The following PER2 variants were observed in gnomAD, a reference collection of about 807,000 sequenced individuals.
PER2 encodes period circadian protein homolog 2.
Under a neutral mutation model 121.0 loss-of-function variants are expected in PER2, and 66 were observed. The observed-to-expected ratio is 0.55, with a 90% confidence interval of 0.45 to 0.67. The LOEUF is 0.67. Among genes scored for constraint, PER2 ranks in the 30% least tolerant of loss-of-function variants. PER2 has a pLI of 0.00. For missense variants in PER2, 1,521 were observed against 1,635.0 expected (o/e 0.93, Z 1.20); for synonymous variants, 684 against 659.9 (o/e 1.04, Z -0.56).
At chr2:238,283,939 G>C (rs965884167) in intron 1 of PER2, among the ~76,000 whole-genome samples, 1 of 152,164 alleles carries the variant, frequency 6.6e-6, no homozygotes, top group Non-Finnish European at 1.5e-5. Context: ...TAAGGGCACA[G>C]GTCCTGGGTG....
At chr2:238,249,322 TTTTC>T (rs1053014546) in intron 21 of PER2, 110 bp from the exon 22 acceptor site, 37 of 1,181,048 alleles carry the variant, frequency 3.1e-5, no homozygotes, top group East Asian at 9.6e-5. Context: ...GCAAATTTCC[TTTTC>T]TTTAAAAAAA....
At chr2:238,254,745 T>C (rs1035868794) in intron 18 of PER2, 2 of 152,288 alleles carry the variant, frequency 1.3e-5, no homozygotes, top group African/African-American at 4.8e-5. Flanking sequence ...CTCATGGCCA[T>C]GGAGTACACC....
chr2:238,260,100 C>T (rs898060904), intron 13 of PER2, 47 bp from the exon 14 acceptor site: 5 of 816,538 alleles, frequency 6.1e-6, no homozygotes, highest in Non-Finnish European at 1.0e-5. Flanking sequence ...AGGAGACCTC[C>T]TTCAGTCTGT....
At chr2:238,283,944 T>C (rs186101106) in intron 1 of PER2, among the ~76,000 whole-genome samples, 1 of 152,310 alleles carries the variant, frequency 6.6e-6, no homozygotes, top group African/African-American at 2.4e-5. Context: ...GCACAGGTCC[T>C]GGGTGGCCTG....
At chr2:238,288,222 C>A (rs983025909) in intron 1 of PER2, 127 bp downstream of exon 1, 1 of 152,320 alleles carries the variant, frequency 6.6e-6, no homozygotes, top group Non-Finnish European at 1.5e-5. Context: ...GCCGGCTGCG[C>A]TGACCCTTGG....
At position 238,253,860 on chromosome 2, in the gene PER2, G is replaced by A. The variant is rs1695685669; in HGVS notation, c.2321-158C>T. Reference sequence around the variant, plus strand: ...CCTCAGTGAAGTGAGAAAAATCAGGGCAAAACATCAGGTTTTTCCATAAAA... The same window carrying A: ...CCTCAGTGAAGTGAGAAAAATCAGGACAAAACATCAGGTTTTTCCATAAAA... On this transcript the variant is annotated intron_variant, in intron 18 of 22. Coordinates refer to ENST00000254657, the MANE Select transcript of PER2 (RefSeq NM_022817.3). This position sits in a 1 kb window ranked among gnomAD's most constrained non-coding sequence, Gnocchi z 5.6. Among the ~76,000 whole-genome samples, 1 of 152,122 alleles carries A rather than the reference G, an allele frequency of 6.6e-6. No individual in the cohort carries two copies. The highest frequency in any genetic ancestry group is 6.5e-5 in the Admixed American group (1 of 15,284).
At chr2:238,255,165 C>T (rs1250280727) in intron 18 of PER2, 2 of 224,628 alleles carry the variant, frequency 8.9e-6, no homozygotes, top group Non-Finnish European at 1.8e-5. Flanking sequence ...ACACCATGAC[C>T]ATGGACTCTG....
Position 238,265,503 on chromosome 2 carries a change from A to T in PER2, c.1046+9T>A. ...AACATGAAAAAGGGGGTGGGTCAAG[A>T]CCACGTACCTTTCATCCACATCCTG... On this transcript the variant is annotated intron_variant, in intron 9 of 22. Transcript: ENST00000254657. 2 of 1,586,764 alleles carry T rather than the reference A, an allele frequency of 1.3e-6. No individual in the cohort carries two copies. Among genetic ancestry groups the T allele is most frequent in the Non-Finnish European group, 1.7e-6 (2 of 1,155,036 alleles).
intron 1 of PER2, among the ~76,000 whole-genome samples, chr2:238,278,271 A>C (rs539962899): frequency 1.3e-5 from 2 of 152,120 alleles, no homozygotes; most frequent in Non-Finnish European, 2.9e-5. Context: ...GGGTTTTGCC[A>C]TGTTGCCCAG....
chr2:238,284,785 C>T (rs1001340303), intron 1 of PER2, among the ~76,000 whole-genome samples: 5 of 152,228 alleles, frequency 3.3e-5, no homozygotes, highest in African/African-American at 1.2e-4. Flanking sequence ...GTAGAGTAAG[C>T]TTGGCAGAAA....
At chr2:238,299,913 G>C in the PER2 span, 1 of 152,276 alleles carries the variant, frequency 6.6e-6, no homozygotes, top group African/African-American at 2.4e-5. Context: ...AGAGGCATAT[G>C]CTCAGCTCTG....
intron 17 of PER2, 128 bp from the exon 18 acceptor site, chr2:238,256,039 A>C: frequency 8.4e-7 from 1 of 1,190,378 alleles, no homozygotes; most frequent in Non-Finnish European, 1.2e-6. Flanking sequence ...TGGCATGAGG[A>C]TGAGACTCAC....
intron 8 of PER2, among the ~76,000 whole-genome samples, chr2:238,266,611 G>A (rs933570312): frequency 2.6e-5 from 4 of 152,178 alleles, no homozygotes; most frequent in African/African-American, 7.2e-5. Context: ...TAATTTGGGG[G>A]AATAACTTGT....
chr2:238,292,936 T>G (rs1327570122), upstream of PER2, among the ~76,000 whole-genome samples: 1 of 151,674 alleles, frequency 6.6e-6, no homozygotes, highest in African/African-American at 2.4e-5. Flanking sequence ...CAGGGTTTCA[T>G]CATGTTGGTC....
Position 238,262,192 on chromosome 2 carries a change from C to A in PER2, c.1306G>T (p.Val436Leu). 6.2e-7 allele frequency: 1 copy of A among 1,613,660 alleles called. No individual in the cohort carries two copies. Among genetic ancestry groups the A allele is most frequent in the East Asian group, 2.2e-5 (1 of 44,872 alleles). The change falls in exon 11 of 23, where the codon GTG becomes TTG. Residue 436 changes from valine (V) to leucine (L), a missense_variant and splice_region_variant. By Grantham distance (32) the Val-to-Leu change is conservative. Transcript: ENST00000254657. ...ACCTCGGGCCCTTGGAGCACTCACACCCTGACTTTGTGCCTCCCAATGATG... is the reference window on the plus strand; with the variant it reads ...ACCTCGGGCCCTTGGAGCACTCACAACCTGACTTTGTGCCTCCCAATGATG... ...SFIIGRHKVRVGPLNEDVFAA... is the reference protein window; with the variant it reads ...SFIIGRHKVRLGPLNEDVFAA...
chr2:238,271,210 T>C (rs2106317231), intron 6 of PER2, 102 bp downstream of exon 6: 1 of 1,024,404 alleles, frequency 9.8e-7, no homozygotes, highest in Non-Finnish European at 1.5e-6. Flanking sequence ...AGGTGGGCTC[T>C]GAAAGGTGAG....
At chr2:238,270,719 G>A (rs1574853904) in intron 6 of PER2, among the ~76,000 whole-genome samples, 1 of 152,356 alleles carries the variant, frequency 6.6e-6, no homozygotes, top group East Asian at 1.9e-4. Flanking sequence ...CTGGGGAGCG[G>A]AGCCTGGAAA....
chr2:238,248,935 G>A (rs762278931), intron 22 of PER2, 127 bp downstream of exon 22: 25 of 1,028,510 alleles, frequency 2.4e-5, no homozygotes, highest in African/African-American at 2.0e-4. Context: ...GATTACAGGC[G>A]TGAGCCACCG....
In PER2 at chr2:238,260,192, A is replaced by G. The variant is rs536481686; in HGVS notation, c.1543-139T>C. On this transcript the variant is annotated intron_variant, in intron 13 of 22. Coordinates refer to ENST00000254657, the MANE Select transcript of PER2 (RefSeq NM_022817.3). ...TGTGGATGAGAAATCTGACAGGTGT[A>G]GAGCTAGATAAAACCTATTTGATGA... 48 of 624,594 alleles carry G rather than the reference A, an allele frequency of 7.7e-5. No homozygotes were observed. The African/African-American group carries it at 8.1e-4, about 11-fold the overall frequency. 38.7% of individuals were successfully genotyped at this position (624,594 alleles called of 1,614,324 possible). A position where few individuals can be genotyped will look rare whatever the true frequency, so the allele number is the denominator to read the frequency against.
Sources: gnomAD v4.1 joint callset for allele counts (sites outside exome capture counted in the v4.1 genomes callset) on GRCh38, gnomAD v4.1.1 for gene constraint, Gnocchi (gnomAD v3.1) non-coding constraint, MANE v1.5 for transcripts, NCBI Gene and HGNC (gene_info 2026-07-23, HGNC 2026-07-21) for gene names.